The following MAMDC2 variants were observed in gnomAD, a reference collection of about 807,000 sequenced individuals.
MAMDC2 encodes the protein MAM domain-containing protein 2.
In MAMDC2, 57 loss-of-function variants were observed where a neutral mutation model predicts 89.8. The observed-to-expected ratio is 0.63, with a 90% confidence interval of 0.51 to 0.79. The LOEUF (loss-of-function observed/expected upper bound fraction) is 0.79, where lower values mean the gene tolerates loss of function less well. Among genes scored for constraint, MAMDC2 ranks in the 30% least tolerant of loss-of-function variants. MAMDC2 has a pLI of 0.00. For synonymous variants in MAMDC2, 313 were observed against 293.4 expected, an observed-to-expected ratio of 1.07 and a Z score of -0.68; for missense variants, 800 against 820.6, an observed-to-expected ratio of 0.97 and a Z score of 0.31.
chr9:70,141,229 C>T (rs191553828), intron 8 of MAMDC2, among the ~76,000 whole-genome samples: 92 of 152,256 alleles, frequency 6.0e-4, no homozygotes, highest in African/African-American at 2.0e-3. Flanking sequence ...TCTATTCTGA[C>T]CTTGGGCTGA....
chr9:70,157,048 C>T (rs971677951), intron 9 of MAMDC2, among the ~76,000 whole-genome samples: 5 of 152,118 alleles, frequency 3.3e-5, no homozygotes, highest in Admixed American at 2.6e-4. Context: ...TGGAGACATC[C>T]GAAAAGACAG....
intron 2 of MAMDC2, among the ~76,000 whole-genome samples, chr9:70,073,661 G>A (rs1827461777): frequency 6.6e-6 from 1 of 152,214 alleles, no homozygotes; most frequent in African/African-American, 2.4e-5. Flanking sequence ...CAGGATCCTA[G>A]CAATTTTCAA....
At chr9:70,123,540 T>C (rs778491566) in intron 5 of MAMDC2, among the ~76,000 whole-genome samples, 14 of 152,134 alleles carry the variant, frequency 9.2e-5, no homozygotes, top group Admixed American at 3.9e-4. Flanking sequence ...TAAAAAAATA[T>C]GGTGGGGAGT....
chr9:70,108,210 G>C lies in MAMDC2; in HGVS notation c.149-1G>C. On this transcript the variant is annotated splice_acceptor_variant, in intron 2 of 13. Coordinates refer to ENST00000377182, the MANE Select transcript of MAMDC2 (RefSeq NM_153267.5). LOFTEE classifies it high-confidence loss of function. Reference sequence around the variant, plus strand: ...TTTCCTATGTTCCTTTCTCTTTCCAGGCCATTACATTTATGTGGATACCTC... The same window carrying C: ...TTTCCTATGTTCCTTTCTCTTTCCACGCCATTACATTTATGTGGATACCTC... The C allele has an allele frequency of 2.5e-6, 4 of 1,577,650 alleles. No homozygotes were observed. The highest frequency in any genetic ancestry group is 3.4e-6 in the Non-Finnish European group (4 of 1,163,584).
At chr9:70,091,883 T>G (rs1003822281) in intron 2 of MAMDC2, among the ~76,000 whole-genome samples, 5 of 152,220 alleles carry the variant, frequency 3.3e-5, no homozygotes, top group African/African-American at 1.2e-4. Flanking sequence ...TTACTGTGAT[T>G]TATTTCTCAT....
intron 9 of MAMDC2, among the ~76,000 whole-genome samples, chr9:70,167,212 C>A (rs2032203112): frequency 6.6e-6 from 1 of 152,048 alleles, no homozygotes; most frequent in Non-Finnish European, 1.5e-5. Flanking sequence ...CCAAACTATC[C>A]TTTTTATAAT....
chr9:70,115,598 C>T (rs958274179), intron 5 of MAMDC2, among the ~76,000 whole-genome samples: 9 of 152,134 alleles, frequency 5.9e-5, no homozygotes, highest in Non-Finnish European at 4.4e-5. Flanking sequence ...TTAGGTGATC[C>T]GCCTGCCTCG....
intron 2 of MAMDC2, chr9:70,088,489 C>T (rs901464252): frequency 6.6e-6 from 1 of 151,742 alleles, no homozygotes; most frequent in Admixed American, 6.6e-5. Flanking sequence ...CCTTAGCTTC[C>T]AAGTCCTGAA....
intron 7 of MAMDC2, among the ~76,000 whole-genome samples, chr9:70,138,727 C>T (rs1404573724): frequency 6.6e-6 from 1 of 152,144 alleles, no homozygotes; most frequent in Non-Finnish European, 1.5e-5. Flanking sequence ...TTTATGTTAC[C>T]TCCAGGCCAT....
intron 2 of MAMDC2, among the ~76,000 whole-genome samples, chr9:70,090,112 G>C (rs1827856073): frequency 8.3e-6 from 1 of 120,914 alleles, no homozygotes. Flanking sequence ...TAAAAAAATA[G>C]GCCAAGGATG....
intron 11 of MAMDC2, among the ~76,000 whole-genome samples, chr9:70,195,522 T>C (rs1438906912): frequency 6.6e-6 from 1 of 152,062 alleles, no homozygotes; most frequent in Non-Finnish European, 1.5e-5. Flanking sequence ...ATTCCAGAAA[T>C]AAATAATTCA....
chr9:70,224,720 C>T (rs2033617633), intron 12 of MAMDC2, among the ~76,000 whole-genome samples: 2 of 152,212 alleles, frequency 1.3e-5, no homozygotes, highest in Admixed American at 1.3e-4. Context: ...AACACCCTCA[C>T]ATACATACTG....
intron 2 of MAMDC2, among the ~76,000 whole-genome samples, chr9:70,080,360 C>T (rs1156382002): frequency 6.6e-6 from 1 of 152,136 alleles, no homozygotes; most frequent in Non-Finnish European, 1.5e-5. Flanking sequence ...CACATTCATG[C>T]ATGTGACATT....
chr9:70,052,013 A>T (rs1009372040), intron 2 of MAMDC2, among the ~76,000 whole-genome samples: 1 of 152,184 alleles, frequency 6.6e-6, no homozygotes, highest in Non-Finnish European at 1.5e-5. Context: ...AAATTTTTTT[A>T]AAGCTATATC....
At chr9:70,196,049 G>T (rs1008522556) in intron 11 of MAMDC2, among the ~76,000 whole-genome samples, 4 of 152,106 alleles carry the variant, frequency 2.6e-5, no homozygotes, top group Admixed American at 6.6e-5. Flanking sequence ...GATGAAGGAA[G>T]TACAAAAGGA....
At position 70,126,152 on chromosome 9, in the gene MAMDC2, T is replaced by G. The variant is rs1342519279; in HGVS notation, c.644-7T>G. On this transcript the variant is annotated splice_polypyrimidine_tract_variant and splice_region_variant and intron_variant, in intron 5 of 13. Coordinates refer to ENST00000377182, the MANE Select transcript of MAMDC2 (RefSeq NM_153267.5). ...TTAACACTGTGCTCTGTCTGTGTGA[T>G]TTTCAGGCCACTACATGTACGTGGA... The G allele has an allele frequency of 6.2e-7, 1 of 1,606,610 alleles. No homozygotes were observed. The highest frequency in any genetic ancestry group is 8.5e-7 in the Non-Finnish European group (1 of 1,174,808).
intron 2 of MAMDC2, among the ~76,000 whole-genome samples, chr9:70,051,938 G>T (rs904848597): frequency 6.6e-6 from 1 of 152,202 alleles, no homozygotes; most frequent in Non-Finnish European, 1.5e-5. Context: ...CAGACAGATA[G>T]ATAGATATAG....
chr9:70,125,312 CTA>C (rs2030481928), intron 5 of MAMDC2, among the ~76,000 whole-genome samples: 1 of 152,186 alleles, frequency 6.6e-6, no homozygotes, highest in Admixed American at 6.5e-5. Context: ...TTCATTGCCT[CTA>C]TGAGGAAAGT....
Position 70,166,742 on chromosome 9 carries a change from T to A in MAMDC2, c.1405-1960T>A, listed in dbSNP as rs148795771. On this transcript the variant is annotated intron_variant, in intron 9 of 13. Coordinates refer to ENST00000377182, the MANE Select transcript of MAMDC2 (RefSeq NM_153267.5). ...TGTTAATATTTCTCTTCTTTGGAATTTATTACCATGCCAAATGTTTGAGTT... is the reference window on the plus strand; with the variant it reads ...TGTTAATATTTCTCTTCTTTGGAATATATTACCATGCCAAATGTTTGAGTT... Among the ~76,000 whole-genome samples the A allele has an allele frequency of 3.3e-4, 51 of 152,338 alleles. 1 individual carries two copies. The highest frequency in any genetic ancestry group is 6.8e-3 in the Middle Eastern group (2 of 294).
Sources: allele counts gnomAD v4.1 joint callset (sites outside exome capture counted in the v4.1 genomes callset), GRCh38; gene constraint gnomAD v4.1.1; transcripts MANE v1.5; gene names NCBI Gene and HGNC (gene_info 2026-07-23, HGNC 2026-07-21).